Variants in URGCP observed in about 807,000 individuals in gnomAD.
URGCP encodes the protein upregulator of cell proliferation.
Under a neutral mutation model 24.6 loss-of-function variants are expected in URGCP, and 13 were observed. The ratio of observed to expected loss-of-function variants is 0.53; its 90% CI spans 0.34 to 0.84. URGCP has a LOEUF of 0.84. Ranked by LOEUF, URGCP falls within the 40% of genes least tolerant of loss-of-function variation. URGCP has a pLI of 0.01. For synonymous variants in URGCP, 444 were observed against 487.2 expected, an observed-to-expected ratio of 0.91 and a Z score of 1.17; for missense variants, 899 against 1,194.3, an observed-to-expected ratio of 0.75 and a Z score of 3.64.
At chr7:43,900,225 C>T (rs1041116658) in intron 1 of URGCP, among the ~76,000 whole-genome samples, 1 of 151,600 alleles carries the variant, frequency 6.6e-6, no homozygotes, top group African/African-American at 2.4e-5. Context: ...GAGGCCAAGG[C>T]AGGCGGATCG....
rs553388332 is a variant in URGCP, at chr7:43,887,950, C to T, written c.15-134G>A. ...CAAATTCTGCAGCCATTAAAAAATA[C>T]GCTATGGATTTCTTTTGTGGACAAA... On this transcript the variant is annotated intron_variant, in intron 1 of 5. Coordinates refer to ENST00000453200, the MANE Select transcript of URGCP (RefSeq NM_001077663.3). 7.6e-4 allele frequency: 451 copies of T among 595,002 alleles called. 1 individual carries two copies. Among genetic ancestry groups the T allele is most frequent in the Admixed American group, 2.0e-3 (57 of 29,012 alleles). 36.9% of individuals were successfully genotyped at this position (595,002 alleles called of 1,614,324 possible). A position where few individuals can be genotyped will look rare whatever the true frequency, so the allele number is the denominator to read the frequency against.
chr7:43,888,704 A>G (rs964262291), intron 1 of URGCP: 19 of 152,194 alleles, frequency 1.2e-4, no homozygotes, highest in African/African-American at 4.6e-4. Context: ...TTCTATATGC[A>G]TGCTTATGTG....
chr7:43,912,102 A>G (rs557148294), intron 1 of URGCP, among the ~76,000 whole-genome samples: 1 of 152,338 alleles, frequency 6.6e-6, no homozygotes, highest in South Asian at 2.1e-4. Flanking sequence ...TTTAAAACAA[A>G]GAAAGATCTC....
chr7:43,906,872 A>G (rs1218331168), upstream of URGCP: 9 of 225,068 alleles, frequency 4.0e-5, no homozygotes, highest in African/African-American at 1.8e-4. Context: ...CAAAAGCTGT[A>G]GGATAACCTG....
chr7:43,920,674 T>A (rs1458302369), intron 1 of URGCP, among the ~76,000 whole-genome samples: 1 of 152,222 alleles, frequency 6.6e-6, no homozygotes, highest in Non-Finnish European at 1.5e-5. Flanking sequence ...CTTTTCTCCA[T>A]TTTGTCTTGC....
chr7:43,917,922 C>T (rs1438558771), intron 1 of URGCP, among the ~76,000 whole-genome samples: 3 of 151,934 alleles, frequency 2.0e-5, no homozygotes, highest in Non-Finnish European at 4.4e-5. Context: ...CATGATTGTG[C>T]CCTGTATTCC....
Position 43,919,907 on chromosome 7 carries a change from C to T in URGCP, c.-116+6225G>A, listed in dbSNP as rs950856000. ...ATGACAAGCTGCGGAAGTGGGAGGCCTTCCTGGAGCCGTTCCGCAAGGAGG... is the reference window on the plus strand; with the variant it reads ...ATGACAAGCTGCGGAAGTGGGAGGCTTTCCTGGAGCCGTTCCGCAAGGAGG... On this transcript the variant is annotated intron_variant, in intron 1 of 5. Transcript: ENST00000426198. 4.6e-6 allele frequency: 6 copies of T among 1,310,762 alleles called. No homozygotes were observed. In the East Asian group the frequency reaches 1.2e-4, roughly 25 times the overall value. 81.2% of individuals were successfully genotyped at this position (1,310,762 alleles called of 1,614,324 possible).
chr7:43,890,365 C>T (rs568363294), intron 1 of URGCP, among the ~76,000 whole-genome samples: 262 of 151,778 alleles, frequency 1.7e-3, no homozygotes, highest in African/African-American at 5.9e-3. Context: ...CAGGCGCCCA[C>T]GACCACGCCC....
chr7:43,896,693 G>C (rs1271482715), intron 1 of URGCP, among the ~76,000 whole-genome samples: 4 of 152,034 alleles, frequency 2.6e-5, no homozygotes, highest in African/African-American at 4.8e-5. Flanking sequence ...AGAGAGAGGG[G>C]AACACTCACT....
At chr7:43,904,685 G>A (rs2095897807) in intron 1 of URGCP, among the ~76,000 whole-genome samples, 1 of 152,200 alleles carries the variant, frequency 6.6e-6, no homozygotes, top group Non-Finnish European at 1.5e-5. Flanking sequence ...CAACAGTCAT[G>A]AGTCACTTAA....
At chr7:43,913,628 T>G (rs943535279) in intron 1 of URGCP, among the ~76,000 whole-genome samples, 6 of 152,210 alleles carry the variant, frequency 3.9e-5, no homozygotes, top group African/African-American at 1.4e-4. Context: ...CCCTTAAATA[T>G]GATGAATCAC....
chr7:43,887,650 T>C (rs938373271), intron 2 of URGCP, 140 bp downstream of exon 2: 23 of 1,481,336 alleles, frequency 1.6e-5, no homozygotes, highest in Non-Finnish European at 2.0e-5. Context: ...GTCCTGGGTA[T>C]CACTGCTTTT....
intron 1 of URGCP, chr7:43,919,204 C>T (rs2095919194): frequency 1.1e-6 from 1 of 884,522 alleles, no homozygotes; most frequent in South Asian, 1.3e-5. Flanking sequence ...CAGACATACT[C>T]AGTGTTTCCC....
chr7:43,919,179 C>A, intron 1 of URGCP: 1 of 886,902 alleles, frequency 1.1e-6, no homozygotes, highest in Non-Finnish European at 1.9e-6. Flanking sequence ...TGACAGGTAT[C>A]CTAAGAAGCT....
At chr7:43,886,195 G>A (rs934703324) in intron 3 of URGCP, among the ~76,000 whole-genome samples, 4 of 152,118 alleles carry the variant, frequency 2.6e-5, no homozygotes, top group Admixed American at 6.5e-5. Flanking sequence ...ACTATGTTGC[G>A]CAGGTTGGTC....
At chr7:43,898,927 G>A (rs1158324923) in intron 1 of URGCP, among the ~76,000 whole-genome samples, 2 of 149,484 alleles carry the variant, frequency 1.3e-5, no homozygotes, top group African/African-American at 4.9e-5. Context: ...CCTGAAGTCA[G>A]GAGTTCGAGA....
chr7:43,897,622 G>A (rs1422734642), intron 1 of URGCP, among the ~76,000 whole-genome samples: 1 of 152,164 alleles, frequency 6.6e-6, no homozygotes. Flanking sequence ...TTAAAAAAAG[G>A]TTCTGGCTGT....
intron 1 of URGCP, among the ~76,000 whole-genome samples, chr7:43,894,809 C>T (rs1029525115): frequency 6.6e-6 from 1 of 152,060 alleles, no homozygotes; most frequent in Non-Finnish European, 1.5e-5. Flanking sequence ...GCAGGAGGAT[C>T]GCTTGAGCTA....
rs1311689818 is a variant in URGCP at position 43,879,177 on chromosome 7, G to C, written c.286C>G (p.Leu96Val). 1 of 1,614,060 alleles carries C rather than the reference G, an allele frequency of 6.2e-7. No homozygotes were observed. Among genetic ancestry groups the C allele is most frequent in the Non-Finnish European group, 8.5e-7 (1 of 1,180,044 alleles). The change falls in exon 6 of 6, where the codon CTG becomes GTG. Residue 96 changes from leucine (L) to valine (V), a missense_variant. By Grantham distance (32) the Leu-to-Val change is conservative. Coordinates refer to ENST00000453200, the MANE Select transcript of URGCP (RefSeq NM_001077663.3). ...TTCATACTGTCAAAACTGATCTGCA[G>C]AGAGTCCTGGAGGCTGAGTTTCTGG... ...QVQKLSLQDS[L>V]QISFDSMKNW...
Sources: gnomAD v4.1 joint callset for allele counts (sites outside exome capture counted in the v4.1 genomes callset) on GRCh38, gnomAD v4.1.1 for gene constraint, MANE v1.5 for transcripts, NCBI Gene and HGNC (gene_info 2026-07-23, HGNC 2026-07-21) for gene names.